The following GPR158 variants were observed in gnomAD, a reference collection of about 807,000 sequenced individuals.
The protein encoded by GPR158 is metabotropic glycine receptor.
In GPR158, 30 loss-of-function variants were observed where a neutral mutation model predicts 78.2. The ratio of observed to expected loss-of-function variants is 0.38; its 90% CI spans 0.29 to 0.52. The LOEUF is 0.52. Ranked by LOEUF, GPR158 falls within the 20% of genes least tolerant of loss-of-function variation. GPR158 has a pLI of 0.83. For synonymous variants in GPR158, 581 were observed against 591.1 expected, an observed-to-expected ratio of 0.98 and a Z score of 0.25; for missense variants, 1,463 against 1,523.5, an observed-to-expected ratio of 0.96 and a Z score of 0.66.
chr10:25,491,023 T>C (rs1420045664), intron 5 of GPR158, among the ~76,000 whole-genome samples: 1 of 152,050 alleles, frequency 6.6e-6, no homozygotes, highest in East Asian at 1.9e-4. Flanking sequence ...ATAAGGAAAA[T>C]AAAATAAATA....
At chr10:25,227,565 T>C (rs946771112) in intron 2 of GPR158, among the ~76,000 whole-genome samples, 1 of 152,206 alleles carries the variant, frequency 6.6e-6, no homozygotes, top group African/African-American at 2.4e-5. Flanking sequence ...ACTATTATTC[T>C]TAGTAATTTT....
At position 25,599,004 on chromosome 10, in the gene GPR158, A is replaced by G. The variant is rs1159936889; in HGVS notation, c.3378A>G (p.Ala1126=). The change falls in exon 11 of 11, where the codon GCA becomes GCG. Residue 1126 remains alanine, a synonymous_variant. Coordinates refer to ENST00000376351, the MANE Select transcript of GPR158 (RefSeq NM_020752.3). ...QSEELPPKAV[A]SKTENENLNQ... The stretch of plus-strand genomic sequence containing the variant: ...AAGAACTGCCCCCCAAAGCTGTAGC[A>G]TCAAAAACAGAGAATGAAAATCTCA... 3 of 1,614,066 alleles carry G rather than the reference A, an allele frequency of 1.9e-6. No homozygotes were observed. Among genetic ancestry groups the G allele is most frequent in the South Asian group, 2.2e-5 (2 of 91,094 alleles).
chr10:25,516,897 A>T (rs1447269151), intron 5 of GPR158, among the ~76,000 whole-genome samples: 2 of 140,882 alleles, frequency 1.4e-5, no homozygotes, highest in African/African-American at 2.9e-5. Context: ...GTTTTTTCCA[A>T]TTCTGTGAAG....
intron 2 of GPR158, among the ~76,000 whole-genome samples, chr10:25,281,640 A>G (rs571239874): frequency 6.0e-5 from 9 of 150,428 alleles, no homozygotes; most frequent in African/African-American, 1.7e-4. Flanking sequence ...TTGGGATGTA[A>G]TTAAAATTAC....
At chr10:25,262,727 T>A (rs1853985492) in intron 2 of GPR158, among the ~76,000 whole-genome samples, 1 of 152,182 alleles carries the variant, frequency 6.6e-6, no homozygotes, top group African/African-American at 2.4e-5. Flanking sequence ...TACATCCTTA[T>A]CATCTGGAGT....
intron 2 of GPR158, among the ~76,000 whole-genome samples, chr10:25,314,905 TACACACACACAC>T (rs34451547): frequency 7.3e-6 from 1 of 137,372 alleles, no homozygotes; most frequent in African/African-American, 2.8e-5. Context: ...AGTTTACACA[TACACACACACAC>T]ACACACACAC....
chr10:25,358,861 A>G (rs1220318248), intron 2 of GPR158, among the ~76,000 whole-genome samples: 1 of 152,008 alleles, frequency 6.6e-6, no homozygotes, highest in African/African-American at 2.4e-5. Context: ...TAATTGTTTG[A>G]GACTTGTTTT....
At chr10:25,488,490 A>G (rs949959016) in intron 5 of GPR158, among the ~76,000 whole-genome samples, 8 of 152,138 alleles carry the variant, frequency 5.3e-5, no homozygotes, top group Admixed American at 5.2e-4. Context: ...CATATATGTT[A>G]TCTTTGTGAA....
At chr10:25,575,854 T>C (rs1837086535) in intron 7 of GPR158, among the ~76,000 whole-genome samples, 1 of 151,912 alleles carries the variant, frequency 6.6e-6, no homozygotes, top group Non-Finnish European at 1.5e-5. Context: ...CCTTCATATC[T>C]ATAAATCTTC....
At chr10:25,314,660 C>G (rs1336928706) in intron 2 of GPR158, among the ~76,000 whole-genome samples, 1 of 147,760 alleles carries the variant, frequency 6.8e-6, no homozygotes, top group Non-Finnish European at 1.5e-5. Context: ...TTTTTTTTAG[C>G]TTTTGATTAG....
chr10:25,396,461 G>A (rs1388149485), intron 3 of GPR158, among the ~76,000 whole-genome samples: 1 of 152,108 alleles, frequency 6.6e-6, no homozygotes, highest in Non-Finnish European at 1.5e-5. Context: ...AGGTTCCTAG[G>A]TCTGGGTTAG....
intron 2 of GPR158, among the ~76,000 whole-genome samples, chr10:25,256,652 T>A (rs1853892626): frequency 6.6e-6 from 1 of 151,966 alleles, no homozygotes; most frequent in African/African-American, 2.4e-5. Context: ...TCCACTGCAC[T>A]TCAGTCTAGG....
chr10:25,553,233 T>C (rs1430262777), intron 6 of GPR158, among the ~76,000 whole-genome samples: 4 of 152,218 alleles, frequency 2.6e-5, no homozygotes, highest in Non-Finnish European at 4.4e-5. Flanking sequence ...ATCTTGACAC[T>C]AGTATGCAAA....
chr10:25,427,310 T>C (rs933050428), intron 4 of GPR158, among the ~76,000 whole-genome samples: 1 of 152,108 alleles, frequency 6.6e-6, no homozygotes, highest in African/African-American at 2.4e-5. Context: ...GAGACTCATA[T>C]ACTTCCTGCC....
chr10:25,536,978 C>T (rs1247952957), intron 5 of GPR158, among the ~76,000 whole-genome samples: 1 of 152,220 alleles, frequency 6.6e-6, no homozygotes, highest in Non-Finnish European at 1.5e-5. Flanking sequence ...CTGTTCTAAG[C>T]CCCTTTTATG....
chr10:25,539,808 G>C (rs1328078401), intron 5 of GPR158, among the ~76,000 whole-genome samples: 1 of 151,958 alleles, frequency 6.6e-6, no homozygotes, highest in Non-Finnish European at 1.5e-5. Context: ...AGCTGCATTA[G>C]GTACTTTTGT....
intron 5 of GPR158, among the ~76,000 whole-genome samples, chr10:25,537,604 C>G (rs905210427): frequency 3.9e-5 from 6 of 152,006 alleles, no homozygotes; most frequent in Non-Finnish European, 8.8e-5. Context: ...TTTCTCAATA[C>G]ACATTTACAG....
chr10:25,282,591 A>T (rs898228491), intron 2 of GPR158, among the ~76,000 whole-genome samples: 1 of 152,132 alleles, frequency 6.6e-6, no homozygotes, highest in Non-Finnish European at 1.5e-5. Flanking sequence ...CCTCACTAGC[A>T]GTTTCTGAGA....
At chr10:25,187,348 A>G (rs1043855657) in intron 1 of GPR158, among the ~76,000 whole-genome samples, 15 of 152,178 alleles carry the variant, frequency 9.9e-5, no homozygotes, top group Admixed American at 1.3e-4. Flanking sequence ...ATTTTAGGCC[A>G]ATATCCCTGA....
Sources: gnomAD v4.1 joint callset for allele counts (sites outside exome capture counted in the v4.1 genomes callset) on GRCh38, gnomAD v4.1.1 for gene constraint, MANE v1.5 for transcripts, NCBI Gene and HGNC (gene_info 2026-07-23, HGNC 2026-07-21) for gene names.